The following MTMR1 variants were observed in gnomAD, a reference collection of about 807,000 sequenced individuals.
MTMR1 encodes myotubularin related protein 1, also known as phosphatidylinositol-3-phosphate phosphatase MTMR1.
In MTMR1, 17 loss-of-function variants were observed where a neutral mutation model predicts 51.6. The observed-to-expected ratio is 0.33, with a 90% CI of 0.23 to 0.49. The LOEUF (loss-of-function observed/expected upper bound fraction) is 0.49. Among genes scored for constraint, MTMR1 ranks in the 20% least tolerant of loss-of-function variants. The pLI is 0.99. For missense variants in MTMR1, 386 were observed against 526.9 expected, an observed-to-expected ratio of 0.73 and a Z score of 2.62; for synonymous variants, 201 against 205.6, an observed-to-expected ratio of 0.98 and a Z score of 0.19.
At chrX:150,731,362 A>T (rs1557416982) in intron 8 of MTMR1, 108 bp from the exon 9 acceptor site, 5 of 657,468 alleles carry the variant, frequency 7.6e-6, no homozygotes. Flanking sequence ...ATAAATTATA[A>T]ACGGATTTTA....
chrX:150,723,279 A>G (rs1421976617), intron 4 of MTMR1, among the ~76,000 whole-genome samples: 2 of 111,274 alleles, frequency 1.8e-5, no homozygotes, highest in African/African-American at 3.3e-5. Context: ...TTGGTTCCAA[A>G]TCTTTGCTAT....
intron 1 of MTMR1, among the ~76,000 whole-genome samples, chrX:150,694,998 T>G (rs2040620542): frequency 8.9e-6 from 1 of 112,433 alleles, no homozygotes; most frequent in African/African-American, 3.2e-5. Context: ...ATCTTCTGGT[T>G]TCCTTCAGAG....
At chrX:150,758,593 C>G (rs2042976617) in intron 15 of MTMR1, among the ~76,000 whole-genome samples, 1 of 111,559 alleles carries the variant, frequency 9.0e-6, no homozygotes, top group Non-Finnish European at 1.9e-5. Flanking sequence ...AAGTTTGAGA[C>G]CAGCCTGACC....
intron 12 of MTMR1, among the ~76,000 whole-genome samples, chrX:150,742,687 G>A (rs1239012333): frequency 1.8e-5 from 2 of 108,703 alleles, no homozygotes; most frequent in Non-Finnish European, 3.8e-5. Flanking sequence ...CGTGGTGGCG[G>A]GCACCTGTAG....
chrX:150,714,365 T>C (rs1239313087), intron 3 of MTMR1: 1 of 394,615 alleles, frequency 2.5e-6, no homozygotes, highest in Non-Finnish European at 4.1e-6. Flanking sequence ...GTGTCGACTT[T>C]TACATGCTTA....
intron 1 of MTMR1, among the ~76,000 whole-genome samples, chrX:150,697,735 C>T (rs1316410173): frequency 4.5e-5 from 5 of 111,670 alleles, no homozygotes; most frequent in Non-Finnish European, 7.5e-5. Flanking sequence ...GGCAAGGCTA[C>T]GTGTGTGAAA....
chrX:150,693,495 C>A lies in MTMR1; in HGVS notation c.-36C>A. On this transcript the variant is annotated 5_prime_UTR_variant, in exon 1 of 16. Coordinates refer to ENST00000445323, the MANE Select transcript of MTMR1 (RefSeq NM_001306144.3). ...TTCCCGGCCGCCGCTCCCGTCCCGA[C>A]GGCGGCTTCCCCAAGGCGGCAGGAC... 1.3e-6 allele frequency: 1 copy of A among 762,407 alleles called. No individual in the cohort carries two copies. 62.8% of individuals were successfully genotyped at this position (762,407 alleles called of 1,213,427 possible). A position where few individuals can be genotyped will look rare whatever the true frequency, so the allele number is the denominator to read the frequency against.
chrX:150,734,166 C>T, intron 10 of MTMR1, among the ~76,000 whole-genome samples: 1 of 112,533 alleles, frequency 8.9e-6, no homozygotes, highest in African/African-American at 3.2e-5. Flanking sequence ...ACATGACCCT[C>T]TCTTGCTCTG....
At chrX:150,723,398 TTTCTAG>T (rs2041817725) in intron 4 of MTMR1, among the ~76,000 whole-genome samples, 1 of 110,266 alleles carries the variant, frequency 9.1e-6, no homozygotes, top group Admixed American at 9.6e-5. Flanking sequence ...TCAAATGGTA[TTTCTAG>T]TTCTAGATCC....
At chrX:150,756,341 G>A (rs144218755) in intron 15 of MTMR1, among the ~76,000 whole-genome samples, 1 of 111,918 alleles carries the variant, frequency 8.9e-6, no homozygotes, top group East Asian at 2.8e-4. Context: ...GGGAGAGTTT[G>A]CCCCTCCCCA....
intron 6 of MTMR1, 56 bp downstream of exon 6, chrX:150,727,847 T>TC: frequency 1.2e-6 from 1 of 835,065 alleles, no homozygotes; most frequent in East Asian, 3.2e-5. Flanking sequence ...CTGAACTTTT[T>TC]CTCCCTCAGT....
chrX:150,735,414 A>T (rs1557417123), intron 10 of MTMR1: 2 of 484,670 alleles, frequency 4.1e-6, no homozygotes, highest in Admixed American at 3.0e-5. Context: ...ATGTATTTTC[A>T]TAAGGGATGT....
At chrX:150,741,405 G>T (rs1406331965) in intron 12 of MTMR1, among the ~76,000 whole-genome samples, 1 of 111,872 alleles carries the variant, frequency 8.9e-6, no homozygotes, top group Admixed American at 9.5e-5. Flanking sequence ...TGTCCTTCAA[G>T]GTTTATCTCA....
intron 15 of MTMR1, among the ~76,000 whole-genome samples, chrX:150,760,745 G>A (rs1317474203): frequency 9.0e-6 from 1 of 110,924 alleles, no homozygotes; most frequent in Non-Finnish European, 1.9e-5. Context: ...CCAACATAGT[G>A]AAACCTCATC....
chrX:150,760,634 T>C (rs1033018958), intron 15 of MTMR1, among the ~76,000 whole-genome samples: 2 of 112,043 alleles, frequency 1.8e-5, no homozygotes, highest in Non-Finnish European at 3.8e-5. Context: ...AATGAAAATA[T>C]GTGAGTAGGC....
At chrX:150,727,566 A>G in intron 5 of MTMR1, 118 bp from the exon 6 acceptor site, 1 of 563,325 alleles carries the variant, frequency 1.8e-6, no homozygotes, top group African/African-American at 2.3e-5. Flanking sequence ...ACTTCAATTT[A>G]GCTGGGACAA....
intron 12 of MTMR1, among the ~76,000 whole-genome samples, chrX:150,739,006 A>G: frequency 8.9e-6 from 1 of 112,255 alleles, no homozygotes; most frequent in East Asian, 2.8e-4. Flanking sequence ...TGTGCATTGA[A>G]TGGGAATACT....
intron 12 of MTMR1, among the ~76,000 whole-genome samples, 188 bp downstream of exon 12, chrX:150,737,636 GT>G (rs1346732293): frequency 8.9e-6 from 1 of 112,227 alleles, no homozygotes; most frequent in Non-Finnish European, 1.9e-5. Context: ...CTCATAGGGC[GT>G]TTTTATTTTA....
chrX:150,712,039 A>G (rs1557416237), intron 2 of MTMR1, among the ~76,000 whole-genome samples: 1 of 111,138 alleles, frequency 9.0e-6, no homozygotes, highest in Non-Finnish European at 1.9e-5. Context: ...CAGCCTGTTC[A>G]CAATAACTTG....
Sources: gnomAD v4.1 joint callset for allele counts (sites outside exome capture counted in the v4.1 genomes callset) on GRCh38, gnomAD v4.1.1 for gene constraint, MANE v1.5 for transcripts, NCBI Gene and HGNC (gene_info 2026-07-23, HGNC 2026-07-21) for gene names.